Variants in PUDP observed in about 807,000 individuals in gnomAD.
PUDP encodes the protein pseudouridine 5'-phosphatase.
A neutral mutation model predicts 9.4 loss-of-function variants in PUDP; 8 were observed. The observed-to-expected ratio is 0.85, with a 90% CI of 0.50 to 1.53. The LOEUF (loss-of-function observed/expected upper bound fraction) is 1.53. Ranked by LOEUF, PUDP falls within the 40% of genes most tolerant of loss-of-function variation. The pLI is 0.00. For missense variants in PUDP, 188 were observed against 189.7 expected (o/e 0.99, Z 0.05); for synonymous variants, 99 against 80.7 (o/e 1.23, Z -1.22).
intron 3 of PUDP, among the ~76,000 whole-genome samples, chrX:6,897,304 T>A (rs1403684646): frequency 8.9e-6 from 1 of 112,446 alleles, no homozygotes; most frequent in Non-Finnish European, 1.9e-5. Context: ...CTTAAAATTA[T>A]AATATACTTG....
intron 3 of PUDP, among the ~76,000 whole-genome samples, chrX:6,851,656 C>T (rs985454689): frequency 3.6e-5 from 4 of 111,810 alleles, no homozygotes; most frequent in African/African-American, 6.5e-5. Context: ...CTCTATCATA[C>T]GTATCTTCTG....
At chrX:6,978,178 T>C in exon 2 of PUDP, among the ~76,000 whole-genome samples, 1 of 112,436 alleles carries the variant, frequency 8.9e-6, no homozygotes, top group Middle Eastern at 4.6e-3. Flanking sequence ...AAACTCTGTT[T>C]GCCTTCTTTA....
chrX:6,906,228 T>C (rs1167237111), intron 3 of PUDP, among the ~76,000 whole-genome samples: 2 of 111,514 alleles, frequency 1.8e-5, no homozygotes, highest in Admixed American at 9.5e-5. Context: ...GCATGTTGAC[T>C]CTCCTCCTGG....
At chrX:6,987,657 T>C (rs1418491413) in intron 1 of PUDP, among the ~76,000 whole-genome samples, 1 of 112,522 alleles carries the variant, frequency 8.9e-6, no homozygotes, top group African/African-American at 3.2e-5. Flanking sequence ...AATACAGTTT[T>C]ATTAAAACAC....
chrX:6,839,838 A>G (rs1265143717), intron 3 of PUDP, among the ~76,000 whole-genome samples: 1 of 111,188 alleles, frequency 9.0e-6, no homozygotes, highest in East Asian at 2.8e-4. Context: ...TACTCTTACT[A>G]TACTATCCAG....
At chrX:7,095,684 C>T (rs1163097341) in intron 2 of PUDP, among the ~76,000 whole-genome samples, 1 of 112,347 alleles carries the variant, frequency 8.9e-6, no homozygotes, top group African/African-American at 3.2e-5. Context: ...GCTCCTGCCA[C>T]CTAGGTGTTA....
At chrX:6,733,191 C>T (rs1300565495) in intron 3 of PUDP, among the ~76,000 whole-genome samples, 2 of 111,452 alleles carry the variant, frequency 1.8e-5, no homozygotes, top group African/African-American at 6.5e-5. Flanking sequence ...CACCAGGTGA[C>T]GGGATTAAGT....
At chrX:6,835,271 C>G (rs183424368) in intron 3 of PUDP, among the ~76,000 whole-genome samples, 1 of 110,912 alleles carries the variant, frequency 9.0e-6, no homozygotes, top group East Asian at 2.8e-4. Context: ...CTGATGATAA[C>G]TCAAATGAGC....
exon 2 of PUDP, among the ~76,000 whole-genome samples, chrX:6,978,263 T>C (rs779424038): frequency 9.0e-6 from 1 of 111,614 alleles, no homozygotes; most frequent in Admixed American, 9.6e-5. Context: ...TTTTGAGACA[T>C]TAATGATCTC....
At chrX:6,720,218 A>ATGTGTATATATG (rs1201052882) in intron 1 of PUDP, among the ~76,000 whole-genome samples, 2 of 87,387 alleles carry the variant, frequency 2.3e-5, no homozygotes, top group Non-Finnish European at 4.3e-5. Flanking sequence ...GTATATATAT[A>ATGTGTATATATG]TGTGTATATA....
intron 1 of PUDP, among the ~76,000 whole-genome samples, chrX:7,027,513 G>A (rs1929728761): frequency 9.5e-6 from 1 of 104,849 alleles, no homozygotes; most frequent in African/African-American, 3.5e-5. Flanking sequence ...AGAATATAGA[G>A]AGAATATATA....
intron 3 of PUDP, among the ~76,000 whole-genome samples, chrX:6,954,660 G>A (rs1316612267): frequency 8.9e-6 from 1 of 112,092 alleles, no homozygotes; most frequent in African/African-American, 3.2e-5. Flanking sequence ...TATGCATATG[G>A]TTATGGTTCA....
At chrX:7,093,115 A>G (rs1183878470) in intron 2 of PUDP, among the ~76,000 whole-genome samples, 1 of 111,982 alleles carries the variant, frequency 8.9e-6, no homozygotes, top group African/African-American at 3.3e-5. Flanking sequence ...GAACGTGTTC[A>G]TCTCCCCAAG....
At chrX:6,739,833 C>G (rs907288794) in intron 3 of PUDP, among the ~76,000 whole-genome samples, 3 of 111,785 alleles carry the variant, frequency 2.7e-5, no homozygotes, top group African/African-American at 9.7e-5. Context: ...AGGGATGGAA[C>G]CTGAGCTAAA....
At chrX:7,063,500 G>C (rs1040771785) in intron 3 of PUDP, among the ~76,000 whole-genome samples, 1 of 111,852 alleles carries the variant, frequency 8.9e-6, no homozygotes, top group Admixed American at 9.5e-5. Context: ...TTTGAAATGC[G>C]TTCACACACC....
intron 3 of PUDP, among the ~76,000 whole-genome samples, chrX:6,857,167 G>A (rs1047015804): frequency 8.9e-6 from 1 of 112,654 alleles, no homozygotes. Flanking sequence ...ACTCTACCAA[G>A]AGCATTTACC....
At chrX:6,793,187 G>A (rs1925780177) in intron 3 of PUDP, among the ~76,000 whole-genome samples, 1 of 112,487 alleles carries the variant, frequency 8.9e-6, no homozygotes, top group Non-Finnish European at 1.9e-5. Context: ...TTAGGTTGGT[G>A]CAAAATTAAT....
chrX:6,934,204 A>G (rs1348136435), intron 3 of PUDP, among the ~76,000 whole-genome samples: 1 of 106,988 alleles, frequency 9.3e-6, no homozygotes, highest in African/African-American at 3.4e-5. Flanking sequence ...GTTGAAATGA[A>G]GGAAAAAATG....
chrX:6,889,702 A>C (rs1464321172), intron 3 of PUDP, among the ~76,000 whole-genome samples: 3 of 111,445 alleles, frequency 2.7e-5, no homozygotes, highest in Non-Finnish European at 5.6e-5. Context: ...TATTGGCTTA[A>C]TTACCACTTC....
Sources: allele counts gnomAD v4.1 joint callset (sites outside exome capture counted in the v4.1 genomes callset), GRCh38; gene constraint gnomAD v4.1.1; transcripts MANE v1.5; gene names NCBI Gene and HGNC (gene_info 2026-07-23, HGNC 2026-07-21).